DNAJC3: variants seen among roughly 807,000 people sequenced by gnomAD.
The protein encoded by DNAJC3 is dnaJ homolog subfamily C member 3.
A neutral mutation model predicts 68.6 loss-of-function variants in DNAJC3; 38 were observed. That is an observed-to-expected ratio of 0.55 (90% CI 0.43 to 0.73). The LOEUF (loss-of-function observed/expected upper bound fraction) is 0.73. DNAJC3 is among the 30% of genes least tolerant of loss of function. The pLI is 0.00. For missense variants in DNAJC3, 526 were observed against 591.9 expected (o/e 0.89, Z 1.16); for synonymous variants, 203 against 204.0 (o/e 1.00, Z 0.04).
chr13:95,790,554 AATT>A (rs1206137249), intron 11 of DNAJC3, among the ~76,000 whole-genome samples: 6 of 151,760 alleles, frequency 4.0e-5, no homozygotes, highest in African/African-American at 1.4e-4. Context: ...GTTTCTCTTG[AATT>A]ATTTTTTTCC....
chr13:95,765,095 G>A (rs1882955400), intron 9 of DNAJC3, among the ~76,000 whole-genome samples: 1 of 152,118 alleles, frequency 6.6e-6, no homozygotes, highest in South Asian at 2.1e-4. Flanking sequence ...CTATTTGTGG[G>A]ACATCTTGTG....
intron 2 of DNAJC3, among the ~76,000 whole-genome samples, chr13:95,722,613 TAA>T (rs533131974): frequency 1.4e-5 from 2 of 139,060 alleles, no homozygotes; most frequent in Non-Finnish European, 1.6e-5. Flanking sequence ...TACAAAAAAT[TAA>T]AAAAAAAAAA....
intron 4 of DNAJC3, among the ~76,000 whole-genome samples, chr13:95,755,248 C>G (rs1041677776): frequency 5.3e-5 from 8 of 152,002 alleles, no homozygotes; most frequent in African/African-American, 1.9e-4. Flanking sequence ...GAGTTGGAGA[C>G]CAGCCTAGGC....
At chr13:95,756,092 A>T (rs554061953) in intron 4 of DNAJC3, among the ~76,000 whole-genome samples, 1 of 152,336 alleles carries the variant, frequency 6.6e-6, no homozygotes, top group Admixed American at 6.5e-5. Context: ...GAGAGGAAAA[A>T]AAGGTGCAAA....
chr13:95,700,650 T>C (rs1880559065), intron 1 of DNAJC3, among the ~76,000 whole-genome samples: 1 of 152,214 alleles, frequency 6.6e-6, no homozygotes, highest in African/African-American at 2.4e-5. Flanking sequence ...AGGAGTTCAG[T>C]GCTTTTGGTG....
intron 2 of DNAJC3, among the ~76,000 whole-genome samples, chr13:95,715,434 G>A (rs1881105441): frequency 6.6e-6 from 1 of 151,892 alleles, no homozygotes; most frequent in African/African-American, 2.4e-5. Context: ...AATGTGATCT[G>A]GCAAGTAGCA....
intron 9 of DNAJC3, among the ~76,000 whole-genome samples, chr13:95,778,170 A>G (rs1883339377): frequency 6.6e-6 from 1 of 152,202 alleles, no homozygotes; most frequent in Non-Finnish European, 1.5e-5. Flanking sequence ...AAAAAAACCC[A>G]CAAAATTACA....
In DNAJC3 at chr13:95,754,292, T is replaced by C. The variant is rs563250496; in HGVS notation, c.394-3352T>C. Among the ~76,000 whole-genome samples, 194 of 152,160 alleles carry C rather than the reference T, an allele frequency of 1.3e-3. 2 individuals carry two copies. Among genetic ancestry groups the C allele is most frequent in the Non-Finnish European group, 2.1e-3 (143 of 68,036 alleles). ...TTGGCCAAAGTCTTCCCTTGGTTGCTTCTCACACGGGCCTCTCACATGTCA... is the reference window on the plus strand; with the variant it reads ...TTGGCCAAAGTCTTCCCTTGGTTGCCTCTCACACGGGCCTCTCACATGTCA... On this transcript the variant is annotated intron_variant, in intron 4 of 11. Coordinates refer to ENST00000602402, the MANE Select transcript of DNAJC3 (RefSeq NM_006260.5).
chr13:95,728,787 A>C (rs1336542434), intron 4 of DNAJC3, among the ~76,000 whole-genome samples: 1 of 152,194 alleles, frequency 6.6e-6, no homozygotes, highest in Non-Finnish European at 1.5e-5. Flanking sequence ...CTATCACTGA[A>C]TATTTATCAT....
chr13:95,762,214 A>T (rs2139676587), intron 7 of DNAJC3, among the ~76,000 whole-genome samples: 2 of 152,232 alleles, frequency 1.3e-5, no homozygotes, highest in East Asian at 3.9e-4. Context: ...GTGAGCCGAG[A>T]TTGTGCCATT....
intron 1 of DNAJC3, 144 bp from the exon 2 acceptor site, chr13:95,709,082 CG>C: frequency 2.0e-6 from 1 of 494,364 alleles, no homozygotes; most frequent in Non-Finnish European, 3.3e-6. Context: ...TTTTATGTTA[CG>C]TTCTTTACAT....
At chr13:95,779,806 A>C (rs976315253) in intron 9 of DNAJC3, among the ~76,000 whole-genome samples, 1 of 152,104 alleles carries the variant, frequency 6.6e-6, no homozygotes, top group African/African-American at 2.4e-5. Flanking sequence ...TGTTTTTCTG[A>C]TGGCTATTCA....
At chr13:95,723,458 A>ATG in intron 3 of DNAJC3, 92 bp downstream of exon 3, 2 of 1,417,900 alleles carry the variant, frequency 1.4e-6, no homozygotes, top group Non-Finnish European at 9.6e-7. Context: ...CATGCTAGAC[A>ATG]TAGCTGGAAG....
rs1025013108 is a variant in DNAJC3, at chr13:95,677,176, G to C, written c.-80G>C. 11 of 1,354,342 alleles carry C rather than the reference G, an allele frequency of 8.1e-6. No individual in the cohort carries two copies. The Admixed American group carries it at 2.2e-4, about 27-fold the overall frequency. The allele number at this position is 1,354,342 out of a possible 1,614,324, so 83.9% of individuals were successfully genotyped here. ...GCCTGAGCGAGAGCCGACGGCGGGC[G>C]GGCGCAGCTGCTGCCGGAGCGCCGG... On this transcript the variant is annotated 5_prime_UTR_variant, in exon 1 of 12. Coordinates refer to ENST00000602402, the MANE Select transcript of DNAJC3 (RefSeq NM_006260.5).
At chr13:95,783,558 GAGA>G (rs1177470564) in intron 9 of DNAJC3, among the ~76,000 whole-genome samples, 1 of 152,144 alleles carries the variant, frequency 6.6e-6, no homozygotes, top group African/African-American at 2.4e-5. Context: ...ACTAAACTGG[GAGA>G]AGTTTTTTAT....
intron 1 of DNAJC3, among the ~76,000 whole-genome samples, chr13:95,681,991 C>T (rs1879927229): frequency 6.6e-6 from 1 of 152,190 alleles, no homozygotes; most frequent in Admixed American, 6.5e-5. Context: ...AATCTGTGTA[C>T]TTACACCCTG....
chr13:95,690,811 C>T (rs1181841521), intron 1 of DNAJC3, among the ~76,000 whole-genome samples: 1 of 144,622 alleles, frequency 6.9e-6, no homozygotes, highest in Non-Finnish European at 1.5e-5. Context: ...CACCTCCCTC[C>T]CGGACGGGGC....
intron 9 of DNAJC3, among the ~76,000 whole-genome samples, chr13:95,771,620 C>A (rs574966127): frequency 6.6e-6 from 1 of 152,232 alleles, no homozygotes; most frequent in South Asian, 2.1e-4. Flanking sequence ...CTTGCTCAAG[C>A]TGGATTCCAC....
chr13:95,753,325 TC>T (rs1308352447), intron 4 of DNAJC3, among the ~76,000 whole-genome samples: 2 of 152,174 alleles, frequency 1.3e-5, no homozygotes, highest in Non-Finnish European at 2.9e-5. Flanking sequence ...TATGTTTTTT[TC>T]TTTTTCTTTT....
Sources: gnomAD v4.1 joint callset for allele counts (sites outside exome capture counted in the v4.1 genomes callset) on GRCh38, gnomAD v4.1.1 for gene constraint, MANE v1.5 for transcripts, NCBI Gene and HGNC (gene_info 2026-07-23, HGNC 2026-07-21) for gene names.